The following CNTNAP2 variants were observed in gnomAD, a reference collection of about 807,000 sequenced individuals.
CNTNAP2 encodes contactin-associated protein-like 2.
In CNTNAP2, 98 loss-of-function variants were observed where a neutral mutation model predicts 155.2. The ratio of observed to expected loss-of-function variants is 0.63; its 90% CI spans 0.54 to 0.75. CNTNAP2 has a LOEUF of 0.75. Among genes scored for constraint, CNTNAP2 ranks in the 30% least tolerant of loss-of-function variants. CNTNAP2 has a pLI of 0.00. For missense variants in CNTNAP2, 1,727 were observed against 1,688.1 expected (o/e 1.02, Z -0.40); for synonymous variants, 651 against 631.2 (o/e 1.03, Z -0.47).
intron 1 of CNTNAP2, among the ~76,000 whole-genome samples, chr7:146,635,571 T>C (rs528285577): frequency 1.1e-4 from 16 of 152,308 alleles, no homozygotes; most frequent in Non-Finnish European, 2.4e-4. Flanking sequence ...TTCATCAGAA[T>C]TCTTCTTAAA....
At chr7:147,857,927 TC>T (rs1799067435) in intron 13 of CNTNAP2, among the ~76,000 whole-genome samples, 1 of 152,142 alleles carries the variant, frequency 6.6e-6, no homozygotes, top group African/African-American at 2.4e-5. Flanking sequence ...CAATATCAAT[TC>T]CCTTCAGAGA....
At chr7:147,032,700 GGAAA>G (rs200103223) in intron 3 of CNTNAP2, among the ~76,000 whole-genome samples, 8,711 of 151,598 alleles carry the variant, frequency 0.057, 326 homozygotes, top group Middle Eastern at 0.12. Flanking sequence ...ATGGAAGGAA[GGAAA>G]GAAAGAGAGA....
intron 20 of CNTNAP2, among the ~76,000 whole-genome samples, chr7:148,263,935 C>T (rs981798323): frequency 2.6e-5 from 4 of 152,048 alleles, no homozygotes; most frequent in African/African-American, 9.7e-5. Flanking sequence ...TCTGGATCTG[C>T]AGAAACAATT....
intron 1 of CNTNAP2, among the ~76,000 whole-genome samples, chr7:146,448,622 G>A (rs1325063381): frequency 6.6e-6 from 1 of 151,802 alleles, no homozygotes; most frequent in Non-Finnish European, 1.5e-5. Flanking sequence ...ATGGAAATTT[G>A]CAAAGTTAGT....
chr7:147,004,696 A>G (rs1303156523), intron 3 of CNTNAP2, among the ~76,000 whole-genome samples: 2 of 152,056 alleles, frequency 1.3e-5, no homozygotes, highest in African/African-American at 2.4e-5. Context: ...TATTTACACT[A>G]ACAGAATCTT....
chr7:147,953,975 T>C (rs1800979505), intron 14 of CNTNAP2, among the ~76,000 whole-genome samples: 1 of 152,074 alleles, frequency 6.6e-6, no homozygotes, highest in Non-Finnish European at 1.5e-5. Flanking sequence ...AACTTGAAAA[T>C]ATCTTTTTGG....
intron 5 of CNTNAP2, among the ~76,000 whole-genome samples, chr7:147,119,782 AAGG>A (rs916299092): frequency 6.7e-6 from 1 of 149,152 alleles, no homozygotes; most frequent in Non-Finnish European, 1.5e-5. Context: ...GAAAGAAGGA[AAGG>A]AAGGAAGGAA....
At chr7:146,661,644 A>T (rs557200528) in intron 1 of CNTNAP2, among the ~76,000 whole-genome samples, 1 of 152,118 alleles carries the variant, frequency 6.6e-6, no homozygotes, top group South Asian at 2.1e-4. Flanking sequence ...ATTGTATCAT[A>T]ATTTATGTAT....
intron 4 of CNTNAP2, among the ~76,000 whole-genome samples, chr7:147,091,236 C>G (rs1210850159): frequency 6.6e-6 from 1 of 152,156 alleles, no homozygotes; most frequent in South Asian, 2.1e-4. Context: ...AGATCCTGAT[C>G]TCTGGGCTCA....
intron 1 of CNTNAP2, among the ~76,000 whole-genome samples, chr7:146,148,135 G>A (rs551491033): frequency 1.3e-5 from 2 of 152,150 alleles, no homozygotes; most frequent in Non-Finnish European, 2.9e-5. Context: ...GCATCACAAT[G>A]ATGTTCTTTT....
chr7:147,014,621 C>G (rs1286939930), intron 3 of CNTNAP2, among the ~76,000 whole-genome samples: 2 of 152,084 alleles, frequency 1.3e-5, no homozygotes, highest in African/African-American at 4.8e-5. Context: ...CGAAAGCCTG[C>G]TTTGCTCACC....
At chr7:146,531,072 T>C (rs532268071) in intron 1 of CNTNAP2, among the ~76,000 whole-genome samples, 2 of 152,276 alleles carry the variant, frequency 1.3e-5, no homozygotes, top group South Asian at 4.1e-4. Flanking sequence ...TCATGTCCTT[T>C]GGAGCAACAA....
intron 21 of CNTNAP2, among the ~76,000 whole-genome samples, chr7:148,320,425 C>T (rs542586847): frequency 7.0e-6 from 1 of 142,180 alleles, no homozygotes; most frequent in East Asian, 2.0e-4. Context: ...CATAGGTCAC[C>T]CAGGTTGGAG....
intron 9 of CNTNAP2, among the ~76,000 whole-genome samples, chr7:147,352,665 A>C (rs73473140): frequency 2.0e-5 from 3 of 152,020 alleles, no homozygotes; most frequent in African/African-American, 7.2e-5. Flanking sequence ...TCTTAAAAAC[A>C]TGAGACCCTT....
chr7:146,397,870 G>GGTTTT (rs1554428065), intron 1 of CNTNAP2, among the ~76,000 whole-genome samples: 8 of 117,494 alleles, frequency 6.8e-5, no homozygotes, highest in African/African-American at 3.7e-4. Flanking sequence ...AATTTGACAG[G>GGTTTT]CTTTTATTTA....
At chr7:146,989,277 C>T (rs1037567456) in intron 3 of CNTNAP2, among the ~76,000 whole-genome samples, 4 of 152,018 alleles carry the variant, frequency 2.6e-5, no homozygotes, top group African/African-American at 9.7e-5. Flanking sequence ...AAGCCTAGAG[C>T]TGACCTCGTT....
chr7:146,230,066 T>C (rs979304073), intron 1 of CNTNAP2, among the ~76,000 whole-genome samples: 3 of 152,134 alleles, frequency 2.0e-5, no homozygotes, highest in Non-Finnish European at 4.4e-5. Context: ...CAATGAACCT[T>C]CCTTAAAACA....
intron 4 of CNTNAP2, among the ~76,000 whole-genome samples, chr7:147,045,361 A>T (rs1799337368): frequency 6.6e-6 from 1 of 152,178 alleles, no homozygotes; most frequent in Non-Finnish European, 1.5e-5. Flanking sequence ...TCACCTCTGT[A>T]CACATTTAGT....
intron 1 of CNTNAP2, among the ~76,000 whole-genome samples, chr7:146,649,326 C>T (rs1486430471): frequency 6.6e-6 from 1 of 152,046 alleles, no homozygotes; most frequent in Non-Finnish European, 1.5e-5. Context: ...TGGTAATGAA[C>T]AGCTTCTGCA....
Sources: gnomAD v4.1 joint callset for allele counts (sites outside exome capture counted in the v4.1 genomes callset) on GRCh38, gnomAD v4.1.1 for gene constraint, MANE v1.5 for transcripts, NCBI Gene and HGNC (gene_info 2026-07-23, HGNC 2026-07-21) for gene names.